Variants in PCDHA1 observed in about 807,000 individuals in gnomAD.
The protein encoded by PCDHA1 is protocadherin alpha 1.
Under a neutral mutation model 61.3 loss-of-function variants are expected in PCDHA1, and 42 were observed. That is an observed-to-expected ratio of 0.69 (90% CI 0.54 to 0.89). The LOEUF is 0.89. PCDHA1 is among the 40% of genes least tolerant of loss of function. The pLI is 0.00. For synonymous variants in PCDHA1, 610 were observed against 553.8 expected (o/e 1.10, Z -1.43); for missense variants, 1,256 against 1,235.3 (o/e 1.02, Z -0.25).
intron 1 of PCDHA1, among the ~76,000 whole-genome samples, chr5:140,956,765 C>T (rs2095308216): frequency 6.6e-6 from 1 of 152,134 alleles, no homozygotes; most frequent in Non-Finnish European, 1.5e-5. Flanking sequence ...AGCTGTAAAT[C>T]TGTCTGGTCC....
At chr5:140,995,410 T>C (rs555899259) in intron 3 of PCDHA1, among the ~76,000 whole-genome samples, 1 of 152,310 alleles carries the variant, frequency 6.6e-6, no homozygotes, top group Non-Finnish European at 1.5e-5. Flanking sequence ...CGAGATTTCA[T>C]CACATTACTC....
At chr5:140,795,807 CG>C in intron 1 of PCDHA1, 3 of 1,612,954 alleles carry the variant, frequency 1.9e-6, no homozygotes, top group Non-Finnish European at 2.5e-6. Flanking sequence ...TGTATTCACT[CG>C]GTAGTGATGT....
At chr5:140,903,690 T>C (rs2070508211) in intron 1 of PCDHA1, among the ~76,000 whole-genome samples, 1 of 152,224 alleles carries the variant, frequency 6.6e-6, no homozygotes, top group African/African-American at 2.4e-5. Context: ...TGGTAAATAG[T>C]TTAAAATAGT....
chr5:140,806,864 T>G, intron 1 of PCDHA1: 1 of 356,754 alleles, frequency 2.8e-6, no homozygotes, highest in Non-Finnish European at 5.1e-6. Flanking sequence ...TGGTACAATG[T>G]GTACCACAGT....
intron 1 of PCDHA1, chr5:140,860,608 A>G (rs1266938252): frequency 6.6e-6 from 1 of 152,266 alleles, no homozygotes; most frequent in African/African-American, 2.4e-5. Flanking sequence ...GCTCACAAAG[A>G]GAAACATAAA....
chr5:140,961,338 G>C (rs1554225370), intron 1 of PCDHA1, among the ~76,000 whole-genome samples: 1 of 152,170 alleles, frequency 6.6e-6, no homozygotes, highest in Non-Finnish European at 1.5e-5. Flanking sequence ...GAGACCAAGA[G>C]TGGATCCCTG....
intron 1 of PCDHA1, chr5:140,870,947 G>T: frequency 1.2e-6 from 2 of 1,613,700 alleles, no homozygotes; most frequent in Non-Finnish European, 1.7e-6. Context: ...CCGGCGGCGG[G>T]CGGCTCGCGC....
chr5:140,926,912 C>A, intron 1 of PCDHA1: 1 of 1,561,732 alleles, frequency 6.4e-7, no homozygotes. Context: ...TGTGGGGTGG[C>A]AGTTTTATGT....
intron 1 of PCDHA1, chr5:140,810,600 A>G (rs1040320772): frequency 6.6e-6 from 1 of 152,078 alleles, no homozygotes; most frequent in African/African-American, 2.4e-5. Context: ...TTATTTTGGC[A>G]ATTTTTATAC....
At chr5:140,834,320 A>G (rs1772901114) in intron 1 of PCDHA1, 1 of 1,428,046 alleles carries the variant, frequency 7.0e-7, no homozygotes, top group African/African-American at 1.4e-5. Context: ...ATGAAGGGAT[A>G]AAAACATTCC....
chr5:140,998,836 T>C (rs1388208720), intron 3 of PCDHA1, among the ~76,000 whole-genome samples: 2 of 152,254 alleles, frequency 1.3e-5, no homozygotes, highest in Non-Finnish European at 2.9e-5. Context: ...AGTGCTGGAT[T>C]ACTGGTGTGA....
rs782616860 is a variant in PCDHA1 at position 140,807,923 on chromosome 5, A to G, written c.2394+19239A>G. On this transcript the variant is annotated intron_variant, in intron 1 of 3. Transcript: ENST00000504120. ...CAATGCCCCAGCTTTTGACAGAACC[A>G]TTTATAAGGTGAGATTACTAGAAAA... is the stretch of plus-strand genomic sequence containing the variant. The G allele has an allele frequency of 5.6e-6, 9 of 1,614,144 alleles. No individual in the cohort carries two copies. Among genetic ancestry groups the G allele is most frequent in the African/African-American group, 1.3e-5 (1 of 75,050 alleles).
chr5:140,829,995 G>A, intron 1 of PCDHA1: 6 of 1,613,982 alleles, frequency 3.7e-6, no homozygotes, highest in Non-Finnish European at 3.4e-6. Flanking sequence ...AGCACCACTC[G>A]TGTCCTGGAC....
intron 1 of PCDHA1, chr5:140,825,152 A>C (rs1554130155): frequency 1.3e-5 from 2 of 151,900 alleles, no homozygotes; most frequent in East Asian, 1.9e-4. Context: ...TATTGATTTT[A>C]ATCTTGCTTT....
rs1766618058 is a variant in PCDHA1, at chr5:140,819,764, T to G, written c.2394+31080T>G. On this transcript the variant is annotated intron_variant, in intron 1 of 3. Coordinates refer to ENST00000504120, the MANE Select transcript of PCDHA1 (RefSeq NM_018900.4). ...AAAAGTCAAGAGTCTTGTTTCCTCCTGAAATATCTATATAAGTACATGAGA... is the reference window on the plus strand; with the variant it reads ...AAAAGTCAAGAGTCTTGTTTCCTCCGGAAATATCTATATAAGTACATGAGA... 2.0e-5 allele frequency among the ~76,000 whole-genome samples: 3 copies of G among 152,058 alleles called. No individual in the cohort carries two copies. The South Asian group carries it at 6.2e-4, about 31-fold the overall frequency.
intron 1 of PCDHA1, among the ~76,000 whole-genome samples, chr5:140,953,146 A>G (rs1554220822): frequency 6.6e-6 from 1 of 152,152 alleles, no homozygotes; most frequent in Non-Finnish European, 1.5e-5. Context: ...TTATATTTCT[A>G]TGAAGGGTGT....
intron 1 of PCDHA1, chr5:140,802,046 G>T: frequency 6.2e-7 from 1 of 1,614,100 alleles, no homozygotes; most frequent in East Asian, 2.2e-5. Flanking sequence ...CTTTCAATAC[G>T]GACATGTCAG....
chr5:140,924,901 A>AATAAAAT lies in PCDHA1; in HGVS notation c.2395-54047_2395-54046insTAAAATA, dbSNP rs145282866. On this transcript the variant is annotated intron_variant, in intron 1 of 3. Transcript: ENST00000504120. The stretch of plus-strand genomic sequence containing the variant: ...CAGAGCAAGAACCTGTCTCAAAAAA[A>AATAAAAT]AAAATAAAATAAAATAAAATAAAAT... 2.3e-3 allele frequency among the ~76,000 whole-genome samples: 186 copies of AATAAAAT among 80,480 alleles called. 2 individuals carry two copies. The highest frequency in any genetic ancestry group is 0.012 in the Middle Eastern group (2 of 162). The allele number at this position is 80,480 out of a possible 152,430, so 52.8% of individuals were successfully genotyped here. A position where few individuals can be genotyped will look rare whatever the true frequency, so the allele number is the denominator to read the frequency against.
chr5:140,898,632 C>T (rs2066885282), intron 1 of PCDHA1, among the ~76,000 whole-genome samples: 1 of 152,158 alleles, frequency 6.6e-6, no homozygotes, highest in Non-Finnish European at 1.5e-5. Flanking sequence ...ATAATGCCTC[C>T]AGCTTTGTTC....
Sources: gnomAD v4.1 joint callset for allele counts (sites outside exome capture counted in the v4.1 genomes callset) on GRCh38, gnomAD v4.1.1 for gene constraint, MANE v1.5 for transcripts, NCBI Gene and HGNC (gene_info 2026-07-23, HGNC 2026-07-21) for gene names.